Variants in TBL1XR1 observed in about 807,000 individuals in gnomAD.
TBL1XR1 encodes TBL1X/Y related 1.
Under a neutral mutation model 66.9 loss-of-function variants are expected in TBL1XR1, and 5 were observed. The observed-to-expected ratio is 0.07, with a 90% confidence interval of 0.04 to 0.16. TBL1XR1 has a LOEUF of 0.16. TBL1XR1 is among the 10% of genes least tolerant of loss of function. TBL1XR1 has a pLI of 1.00. For synonymous variants in TBL1XR1, 210 were observed against 206.0 expected (o/e 1.02, Z -0.17); for missense variants, 238 against 623.2 (o/e 0.38, Z 6.58).
At chr3:177,170,124 T>G (rs1431913550) in intron 1 of TBL1XR1, among the ~76,000 whole-genome samples, 1 of 152,170 alleles carries the variant, frequency 6.6e-6, no homozygotes, top group Non-Finnish European at 1.5e-5. Flanking sequence ...AATAGCCTCC[T>G]GAATCCCAAT....
chr3:177,163,436 G>C (rs1732454209), intron 1 of TBL1XR1, among the ~76,000 whole-genome samples: 1 of 151,914 alleles, frequency 6.6e-6, no homozygotes, highest in Non-Finnish European at 1.5e-5. Flanking sequence ...ATGAAACCAG[G>C]AGGTGCAAGC....
intron 2 of TBL1XR1, among the ~76,000 whole-genome samples, chr3:177,088,135 G>A (rs2108632480): frequency 6.6e-6 from 1 of 152,238 alleles, no homozygotes; most frequent in African/African-American, 2.4e-5. Flanking sequence ...CATGAAAAAT[G>A]TTTTAAAATG....
At chr3:177,065,719 A>G (rs1461648145) in intron 2 of TBL1XR1, among the ~76,000 whole-genome samples, 2 of 152,238 alleles carry the variant, frequency 1.3e-5, no homozygotes, top group African/African-American at 4.8e-5. Context: ...CTGAAAGGAG[A>G]GGTCAGGAAA....
intron 2 of TBL1XR1, among the ~76,000 whole-genome samples, chr3:177,068,912 G>A (rs944557361): frequency 2.6e-5 from 4 of 152,144 alleles, no homozygotes; most frequent in African/African-American, 9.7e-5. Flanking sequence ...ATGTGTAATC[G>A]AAATTACTTT....
intron 1 of TBL1XR1, among the ~76,000 whole-genome samples, chr3:177,152,520 C>T (rs1313466594): frequency 6.6e-6 from 1 of 152,126 alleles, no homozygotes; most frequent in Non-Finnish European, 1.5e-5. Flanking sequence ...CTGCTGACCT[C>T]GTGATCTGCC....
At chr3:177,047,814 C>A in intron 7 of TBL1XR1, 1 of 408,160 alleles carries the variant, frequency 2.5e-6, no homozygotes, top group East Asian at 3.9e-5. Flanking sequence ...ATCACCCCAC[C>A]TCATGCATGC....
rs1730247527 is a variant in TBL1XR1, at chr3:177,146,409, C to T, written c.-121-47868G>A. Among the ~76,000 whole-genome samples, 3 of 151,554 alleles carry T rather than the reference C, an allele frequency of 2.0e-5. No individual in the cohort carries two copies. The South Asian group carries it at 6.3e-4, about 32-fold the overall frequency. On this transcript the variant is annotated intron_variant, in intron 1 of 15. Coordinates refer to ENST00000457928, the MANE Select transcript of TBL1XR1 (RefSeq NM_024665.7). ...TCAAGTGATTCTCCTGCCTCAGGCT[C>T]CCGAGTAGCTGGGACTACAGGCATC...
intron 3 of TBL1XR1, among the ~76,000 whole-genome samples, chr3:177,063,275 T>C (rs529977181): frequency 6.6e-6 from 1 of 152,328 alleles, no homozygotes; most frequent in East Asian, 1.9e-4. Context: ...AAGAAAAATA[T>C]TACTGCTCTC....
chr3:177,121,284 A>C (rs1259665892), intron 1 of TBL1XR1, among the ~76,000 whole-genome samples: 1 of 152,226 alleles, frequency 6.6e-6, no homozygotes, highest in African/African-American at 2.4e-5. Flanking sequence ...GAAATGTGAC[A>C]ACTAAATTCA....
At chr3:177,196,968 G>T (rs1009013846) in intron 1 of TBL1XR1, among the ~76,000 whole-genome samples, 153 bp downstream of exon 1, 1 of 151,078 alleles carries the variant, frequency 6.6e-6, no homozygotes, top group Non-Finnish European at 1.5e-5. Context: ...CTTCCCCCAC[G>T]CAAGCCCAGT....
intron 14 of TBL1XR1, among the ~76,000 whole-genome samples, chr3:177,028,398 C>T (rs1713458858): frequency 6.6e-6 from 1 of 152,192 alleles, no homozygotes; most frequent in Non-Finnish European, 1.5e-5. Context: ...TAGCACTCTA[C>T]AGTTCTATGC....
chr3:177,157,782 G>A (rs371337146), intron 1 of TBL1XR1, among the ~76,000 whole-genome samples: 1 of 152,120 alleles, frequency 6.6e-6, no homozygotes, highest in Non-Finnish European at 1.5e-5. Flanking sequence ...TGGGATGGGC[G>A]TGCCAAAGGG....
At chr3:177,104,923 C>T (rs903023671) in intron 1 of TBL1XR1, among the ~76,000 whole-genome samples, 1 of 152,242 alleles carries the variant, frequency 6.6e-6, no homozygotes, top group East Asian at 1.9e-4. Context: ...TTAAAGACAA[C>T]AGCACAAACT....
chr3:177,125,109 GACAA>G (rs1727452527), intron 1 of TBL1XR1, among the ~76,000 whole-genome samples: 2 of 151,610 alleles, frequency 1.3e-5, no homozygotes, highest in Non-Finnish European at 2.9e-5. Context: ...CATTTCAAAA[GACAA>G]CATCAAGAAA....
At chr3:177,100,814 T>C (rs930274939) in intron 1 of TBL1XR1, among the ~76,000 whole-genome samples, 2 of 152,094 alleles carry the variant, frequency 1.3e-5, no homozygotes, top group African/African-American at 4.8e-5. Flanking sequence ...AGTGAAGAGT[T>C]CGTTCTTGTA....
upstream of TBL1XR1, among the ~76,000 whole-genome samples, chr3:177,198,136 C>G (rs1169014493): frequency 3.9e-5 from 6 of 152,120 alleles, no homozygotes; most frequent in African/African-American, 2.4e-5. Flanking sequence ...ATATGGTTCT[C>G]CGAAGCGTAC....
intron 2 of TBL1XR1, among the ~76,000 whole-genome samples, chr3:177,067,766 C>T (rs1442226566): frequency 2.6e-5 from 4 of 151,792 alleles, no homozygotes; most frequent in African/African-American, 9.7e-5. Context: ...AGCCTATGTG[C>T]CAAAGAGTGA....
Position 177,183,816 on chromosome 3 carries a change from A to G in TBL1XR1, c.-122+13305T>C, listed in dbSNP as rs76222242. 0.048 allele frequency among the ~76,000 whole-genome samples: 7,257 copies of G among 151,348 alleles called. 773 individuals carry two copies. In the East Asian group the frequency reaches 0.49, roughly 10 times the overall value. On this transcript the variant is annotated intron_variant, in intron 1 of 15. Transcript: ENST00000457928. ...CAATCTTCTTTTTCTTGAAACATCT[A>G]ATCGGCCGGGCATGGTGGCTCACGC...
intron 1 of TBL1XR1, among the ~76,000 whole-genome samples, chr3:177,166,605 T>C (rs62296613): frequency 6.6e-6 from 1 of 152,130 alleles, no homozygotes; most frequent in Non-Finnish European, 1.5e-5. Context: ...CTTGCTGCCA[T>C]GTTAGAAGTG....
Sources: allele counts gnomAD v4.1 joint callset (sites outside exome capture counted in the v4.1 genomes callset), GRCh38; gene constraint gnomAD v4.1.1; transcripts MANE v1.5; gene names NCBI Gene and HGNC (gene_info 2026-07-23, HGNC 2026-07-21).